GALNT13: variants seen among roughly 807,000 people sequenced by gnomAD.
GALNT13 encodes the protein UDP-GalNAc:polypeptide N-acetylgalactosaminyltransferase 13.
In GALNT13, 28 loss-of-function variants were observed where a neutral mutation model predicts 64.2. The observed-to-expected ratio is 0.44, with a 90% CI of 0.32 to 0.60. The LOEUF (loss-of-function observed/expected upper bound fraction) is 0.60, where lower values mean the gene tolerates loss of function less well. Ranked by LOEUF, GALNT13 falls within the 20% of genes least tolerant of loss-of-function variation. The probability of loss-of-function intolerance (pLI) is 0.05; values close to 1 mark genes in which losing one functional copy is unlikely to be tolerated. For synonymous variants in GALNT13, 214 were observed against 224.6 expected (o/e 0.95, Z 0.42); for missense variants, 577 against 669.8 (o/e 0.86, Z 1.53).
the GALNT13 span, among the ~76,000 whole-genome samples, chr2:153,755,535 T>A: frequency 6.6e-6 from 1 of 152,162 alleles, no homozygotes; most frequent in Admixed American, 6.5e-5. Context: ...TCCATTGACC[T>A]CTTGTATGTT....
chr2:153,790,564 C>T, the GALNT13 span, among the ~76,000 whole-genome samples: 8 of 152,206 alleles, frequency 5.3e-5, no homozygotes, highest in East Asian at 1.4e-3. Flanking sequence ...CCATCTCTCA[C>T]CACTCCTATT....
the GALNT13 span, among the ~76,000 whole-genome samples, chr2:153,797,089 T>C: frequency 6.6e-5 from 10 of 152,208 alleles, no homozygotes; most frequent in African/African-American, 1.2e-4. Context: ...ATTTAATGAG[T>C]ATTAACATGA....
At chr2:153,412,648 T>A in the GALNT13 span, among the ~76,000 whole-genome samples, 1 of 152,330 alleles carries the variant, frequency 6.6e-6, no homozygotes, top group East Asian at 1.9e-4. Context: ...TTCTTCTTAT[T>A]CCCTAAGGAC....
the GALNT13 span, among the ~76,000 whole-genome samples, chr2:153,538,138 G>A: frequency 1.3e-5 from 2 of 152,076 alleles, no homozygotes; most frequent in Non-Finnish European, 1.5e-5. Flanking sequence ...ATGAAGTCCA[G>A]GCTGAGGTGG....
At chr2:153,525,171 C>G in the GALNT13 span, among the ~76,000 whole-genome samples, 14 of 152,182 alleles carry the variant, frequency 9.2e-5, no homozygotes, top group African/African-American at 2.4e-4. Context: ...ACTGCCTTGA[C>G]GAGAAGAAAC....
At chr2:154,015,905 T>C (rs1012583857) in intron 3 of GALNT13, among the ~76,000 whole-genome samples, 3 of 152,216 alleles carry the variant, frequency 2.0e-5, no homozygotes, top group African/African-American at 4.8e-5. Context: ...CTGTAATCAC[T>C]TGAAAGGTAT....
intron 4 of GALNT13, among the ~76,000 whole-genome samples, chr2:154,170,574 T>C (rs940697648): frequency 2.0e-5 from 3 of 152,136 alleles, no homozygotes; most frequent in African/African-American, 7.2e-5. Context: ...CCTAATATGA[T>C]TGCTTCTACA....
At chr2:153,384,744 A>G in the GALNT13 span, among the ~76,000 whole-genome samples, 1 of 152,118 alleles carries the variant, frequency 6.6e-6, no homozygotes, top group Non-Finnish European at 1.5e-5. Flanking sequence ...CTCTGCTTTA[A>G]TGGCATTTTT....
the GALNT13 span, among the ~76,000 whole-genome samples, chr2:153,161,076 G>A: frequency 6.6e-6 from 1 of 152,052 alleles, no homozygotes; most frequent in Non-Finnish European, 1.5e-5. Context: ...CATTGTTCTA[G>A]ACTTATTCCA....
chr2:153,324,607 T>G, the GALNT13 span, among the ~76,000 whole-genome samples: 1 of 152,220 alleles, frequency 6.6e-6, no homozygotes, highest in African/African-American at 2.4e-5. Flanking sequence ...AGTATGATAT[T>G]GGCTGTGGGT....
chr2:153,340,689 A>G, the GALNT13 span, among the ~76,000 whole-genome samples: 1 of 152,052 alleles, frequency 6.6e-6, no homozygotes, highest in Non-Finnish European at 1.5e-5. Flanking sequence ...TTGGCATACT[A>G]GTTTTGTCCC....
At chr2:153,277,084 A>C in the GALNT13 span, among the ~76,000 whole-genome samples, 3 of 152,190 alleles carry the variant, frequency 2.0e-5, no homozygotes, top group South Asian at 6.2e-4. Context: ...TTCAAGAGGT[A>C]CATGTGCTGG....
the GALNT13 span, among the ~76,000 whole-genome samples, chr2:153,728,462 A>G: frequency 1.3e-5 from 2 of 152,210 alleles, no homozygotes; most frequent in Non-Finnish European, 1.5e-5. Context: ...CAAAGAGACA[A>G]TGTATCAGAA....
rs1366697748 is a variant in GALNT13, at chr2:154,141,416, AT to A, written c.311+912del. ...CAAGCATACTATACAGCTGTAAAAA[AT>A]ATTTTCTTTCTTTATATCCTTATTC... On this transcript the variant is annotated intron_variant, in intron 4 of 12. Coordinates refer to ENST00000392825, the MANE Select transcript of GALNT13 (RefSeq NM_052917.4). Among the ~76,000 whole-genome samples the A allele has an allele frequency of 3.9e-5, 6 of 152,264 alleles. No individual in the cohort carries two copies. In the East Asian group the frequency reaches 7.7e-4, roughly 20 times the overall value.
chr2:153,951,524 T>C (rs1692181797), intron 3 of GALNT13, among the ~76,000 whole-genome samples: 1 of 152,148 alleles, frequency 6.6e-6, no homozygotes, highest in Admixed American at 6.6e-5. Flanking sequence ...TTAAGAGAGC[T>C]GGATTGCTTG....
At chr2:153,353,765 T>C in the GALNT13 span, among the ~76,000 whole-genome samples, 1 of 152,192 alleles carries the variant, frequency 6.6e-6, no homozygotes, top group Non-Finnish European at 1.5e-5. Context: ...GATTTTCAAA[T>C]GTTGAACAAG....
chr2:154,200,006 A>G (rs957191888), intron 4 of GALNT13, among the ~76,000 whole-genome samples: 1 of 152,030 alleles, frequency 6.6e-6, no homozygotes, highest in Non-Finnish European at 1.5e-5. Context: ...CTCCTCAGAA[A>G]TCATACCTTC....
the GALNT13 span, among the ~76,000 whole-genome samples, chr2:153,556,229 T>C: frequency 6.6e-6 from 1 of 152,178 alleles, no homozygotes; most frequent in Non-Finnish European, 1.5e-5. Flanking sequence ...ATTTGTATCA[T>C]ATTTAAAGGT....
chr2:154,311,266 G>A (rs938449134), intron 9 of GALNT13, among the ~76,000 whole-genome samples: 3 of 151,994 alleles, frequency 2.0e-5, no homozygotes, highest in African/African-American at 7.2e-5. Flanking sequence ...GTCCTGCCCC[G>A]ATAATCACGT....
Sources: allele counts gnomAD v4.1 joint callset (sites outside exome capture counted in the v4.1 genomes callset), GRCh38; gene constraint gnomAD v4.1.1; transcripts MANE v1.5; gene names NCBI Gene and HGNC (gene_info 2026-07-23, HGNC 2026-07-21).